Variants in NSF observed in about 807,000 individuals in gnomAD.
The protein encoded by NSF is vesicle-fusing ATPase.
A neutral mutation model predicts 50.3 loss-of-function variants in NSF; 14 were observed. That is an observed-to-expected ratio of 0.28 (90% confidence interval 0.18 to 0.44). The LOEUF (loss-of-function observed/expected upper bound fraction) is 0.44. NSF is among the 20% of genes least tolerant of loss of function. The pLI is 1.00. For missense variants in NSF, 218 were observed against 504.3 expected (o/e 0.43, Z 5.44); for synonymous variants, 109 against 175.7 (o/e 0.62, Z 3.00).
At chr17:46,717,074 G>A (rs950188015) in intron 15 of NSF, among the ~76,000 whole-genome samples, 10 of 152,004 alleles carry the variant, frequency 6.6e-5, no homozygotes, top group African/African-American at 2.4e-4. Flanking sequence ...TCACAGTAGT[G>A]GAATGGAATC....
At chr17:46,739,732 ATTT>A (rs200703694) in intron 17 of NSF, among the ~76,000 whole-genome samples, 1 of 147,146 alleles carries the variant, frequency 6.8e-6, no homozygotes, top group Non-Finnish European at 1.5e-5. Flanking sequence ...TTTTTTTCTG[ATTT>A]TTTTTTTTCC....
intron 16 of NSF, among the ~76,000 whole-genome samples, chr17:46,727,225 A>G (rs1167968419): frequency 6.6e-6 from 1 of 152,174 alleles, no homozygotes; most frequent in Admixed American, 6.5e-5. Flanking sequence ...GTTGAAGTGC[A>G]CTCCTACAGA....
At chr17:46,714,573 C>T (rs564097552) in intron 15 of NSF, among the ~76,000 whole-genome samples, 1 of 152,196 alleles carries the variant, frequency 6.6e-6, no homozygotes, top group African/African-American at 2.4e-5. Context: ...GAATAGAATC[C>T]TAGAGCTGAA....
At position 46,716,539 on chromosome 17, in the gene NSF, G is replaced by A. The variant is rs759261800; in HGVS notation, c.1761+2553G>A. 4.3e-4 allele frequency among the ~76,000 whole-genome samples: 65 copies of A among 152,304 alleles called. 1 individual carries two copies. The highest frequency in any genetic ancestry group is 2.5e-3 in the South Asian group (12 of 4,820). On this transcript the variant is annotated intron_variant, in intron 15 of 20. Transcript: ENST00000398238. Reference sequence around the variant, plus strand: ...CCCGAAGTGCTGGAATTACAGGCATGAGCCACCGCGCCCGGCCTGCACCTC... The same window carrying A: ...CCCGAAGTGCTGGAATTACAGGCATAAGCCACCGCGCCCGGCCTGCACCTC...
intron 15 of NSF, 48 bp from the exon 16 acceptor site, chr17:46,726,501 G>C: frequency 6.4e-7 from 1 of 1,551,590 alleles, no homozygotes; most frequent in Non-Finnish European, 8.9e-7. Flanking sequence ...GGAAATTGTC[G>C]TAACTGTGGA....
rs1199310657 is a variant in NSF at position 46,704,786 on chromosome 17, G to A, written c.1402G>A (p.Glu468Lys). 6 of 1,605,746 alleles carry A rather than the reference G, an allele frequency of 3.7e-6. No homozygotes were observed. Among genetic ancestry groups the A allele is most frequent in the Non-Finnish European group, 5.1e-6 (6 of 1,177,930 alleles). The change falls in exon 13 of 21, where the codon GAG (glutamate) becomes AAG (lysine). Residue 468 changes from glutamate (E) to lysine (K), a missense_variant. By Grantham distance (56) the Glu-to-Lys change is moderately conservative (BLOSUM62 1). Transcript: ENST00000398238. ...KASTKVEVDM[E>K]KAESLQVTRG... ...CAGTACTAAAGTGGAAGTGGACATGGAGAAAGCAGAAAGCCTGCAAGTGAC... is the reference window on the plus strand; with the variant it reads ...CAGTACTAAAGTGGAAGTGGACATGAAGAAAGCAGAAAGCCTGCAAGTGAC...
chr17:46,756,083 T>G lies in NSF; in HGVS notation c.*260T>G, dbSNP rs1055614019. On this transcript the variant is annotated 3_prime_UTR_variant, in exon 21 of 21. Coordinates refer to ENST00000398238, the MANE Select transcript of NSF (RefSeq NM_006178.4). Reference sequence around the variant, plus strand: ...GCAGGCTAAAGTGATTCCTTCTTGCTCAGTCCCTCTGGGTGGGAACCATCC... The same window carrying G: ...GCAGGCTAAAGTGATTCCTTCTTGCGCAGTCCCTCTGGGTGGGAACCATCC... 21 of 437,828 alleles carry G rather than the reference T, an allele frequency of 4.8e-5. No individual in the cohort carries two copies. In the East Asian group the frequency reaches 7.6e-4, roughly 16 times the overall value. 27.1% of individuals were successfully genotyped at this position (437,828 alleles called of 1,614,324 possible).
intron 15 of NSF, among the ~76,000 whole-genome samples, chr17:46,725,195 A>G (rs1360685427): frequency 6.6e-6 from 1 of 152,216 alleles, no homozygotes; most frequent in Non-Finnish European, 1.5e-5. Context: ...ATGGAATTGG[A>G]ACTTGTGTTG....
In NSF at chr17:46,748,666, G is replaced by A. The variant is rs184091684; in HGVS notation, c.1909-1107G>A. Reference sequence around the variant, plus strand: ...TGTGCCCCAGGCCTAGAGAGTCACCGCTTCAGATTGAACTGTGAACACACA... The same window carrying A: ...TGTGCCCCAGGCCTAGAGAGTCACCACTTCAGATTGAACTGTGAACACACA... On this transcript the variant is annotated intron_variant, in intron 17 of 20. Transcript: ENST00000398238. Among the ~76,000 whole-genome samples, 13 of 152,298 alleles carry A rather than the reference G, an allele frequency of 8.5e-5. No homozygotes were observed. In the East Asian group the frequency reaches 1.4e-3, roughly 16 times the overall value.
chr17:46,713,536 A>C (rs891483357), intron 14 of NSF, among the ~76,000 whole-genome samples: 4 of 152,226 alleles, frequency 2.6e-5, no homozygotes, highest in Non-Finnish European at 4.4e-5. Context: ...ATAAGTACTA[A>C]TATGCATTTG....
intron 16 of NSF, among the ~76,000 whole-genome samples, 172 bp from the exon 17 acceptor site, chr17:46,728,683 A>ATAAT (rs2146296183): frequency 6.6e-6 from 1 of 151,640 alleles, no homozygotes; most frequent in South Asian, 2.1e-4. Context: ...TAGTTTTATG[A>ATAAT]CTGTTATTTA....
intron 18 of NSF, among the ~76,000 whole-genome samples, 182 bp from the exon 19 acceptor site, chr17:46,751,321 A>G (rs2059179742): frequency 1.3e-5 from 2 of 152,314 alleles, no homozygotes; most frequent in Admixed American, 6.5e-5. Context: ...TTTCACTTTC[A>G]TGATTGCACC....
At chr17:46,680,446 C>A (rs1366420503) in intron 9 of NSF, among the ~76,000 whole-genome samples, 4 of 151,582 alleles carry the variant, frequency 2.6e-5, no homozygotes, top group African/African-American at 4.9e-5. Flanking sequence ...TCACAGCATA[C>A]AAAATTGCAA....
intron 15 of NSF, among the ~76,000 whole-genome samples, chr17:46,720,794 CAGA>C (rs1369244333): frequency 2.0e-5 from 3 of 152,134 alleles, no homozygotes; most frequent in African/African-American, 7.2e-5. Flanking sequence ...TTTCAGCTCC[CAGA>C]AGAACCAGAG....
intron 15 of NSF, among the ~76,000 whole-genome samples, chr17:46,717,483 T>TG (rs1568043289): frequency 1.3e-5 from 2 of 152,138 alleles, no homozygotes; most frequent in African/African-American, 2.4e-5. Context: ...GAGGCTGAGG[T>TG]GGGGGGATCA....
chr17:46,635,814 T>TGTGTGC lies in NSF; in HGVS notation c.239-1561_239-1556dup, dbSNP rs1366868589. 1.4e-5 allele frequency among the ~76,000 whole-genome samples: 2 copies of TGTGTGC among 141,992 alleles called. 1 individual carries two copies. The highest frequency in any genetic ancestry group is 3.2e-5 in the Non-Finnish European group (2 of 62,970). 93.2% of individuals were successfully genotyped at this position (141,992 alleles called of 152,430 possible). ...GTGTGTGTGTGTGTGTGTGTGTGTGTGTGTGCTCGTGTGTGAAGCCTTATT... is the reference window on the plus strand; with the variant it reads ...GTGTGTGTGTGTGTGTGTGTGTGTGTGTGTGCGTGTGCTCGTGTGTGAAGCCTTATT... On this transcript the variant is annotated intron_variant, in intron 4 of 20. Transcript: ENST00000398238.
At chr17:46,723,664 G>A (rs2058856171) in intron 15 of NSF, among the ~76,000 whole-genome samples, 1 of 152,124 alleles carries the variant, frequency 6.6e-6, no homozygotes, top group South Asian at 2.1e-4. Context: ...AATCAGGACA[G>A]ATCCTTGACT....
intron 17 of NSF, among the ~76,000 whole-genome samples, chr17:46,732,610 C>A (rs1380809376): frequency 2.6e-5 from 4 of 151,902 alleles, no homozygotes; most frequent in African/African-American, 9.7e-5. Flanking sequence ...ATTTATTAGC[C>A]CTTTGAAAGT....
intron 1 of NSF, among the ~76,000 whole-genome samples, chr17:46,602,692 A>G (rs1247031115): frequency 7.0e-6 from 1 of 142,322 alleles, no homozygotes; most frequent in Non-Finnish European, 1.5e-5. Context: ...GAAACTACCA[A>G]TTATCACTAA....
Sources: allele counts gnomAD v4.1 joint callset (sites outside exome capture counted in the v4.1 genomes callset), GRCh38; gene constraint gnomAD v4.1.1; transcripts MANE v1.5; gene names NCBI Gene and HGNC (gene_info 2026-07-23, HGNC 2026-07-21).